MSI2: variants seen among roughly 807,000 people sequenced by gnomAD.
MSI2 encodes the protein RNA-binding protein Musashi homolog 2.
MSI2 carries 17 observed loss-of-function variants against 45.6 expected under a neutral mutation model. That is an observed-to-expected ratio of 0.37 (90% CI 0.26 to 0.56). MSI2 has a LOEUF of 0.56. MSI2 is among the 20% of genes least tolerant of loss of function. The pLI is 0.77. For missense variants in MSI2, 293 were observed against 444.2 expected (o/e 0.66, Z 3.06); for synonymous variants, 156 against 158.2 (o/e 0.99, Z 0.11).
At position 57,257,558 on chromosome 17, in the gene MSI2, C is replaced by T. The variant is rs750325615; in HGVS notation, c.185+11C>T. ...TACGAAACGCTCCAGGTAAACCATT[C>T]CCTTCTGGATTTTGTCTTTATTTTA... On this transcript the variant is annotated intron_variant, in intron 3 of 13. Transcript: ENST00000284073. The T allele has an allele frequency of 5.8e-6, 9 of 1,553,880 alleles. No individual in the cohort carries two copies. Among genetic ancestry groups the T allele is most frequent in the Non-Finnish European group, 8.0e-6 (9 of 1,128,242 alleles).
In MSI2 at chr17:57,474,323, C is replaced by T. The variant is rs192565485; in HGVS notation, c.406-55353C>T. Among the ~76,000 whole-genome samples, 297 of 152,274 alleles carry T rather than the reference C, an allele frequency of 2.0e-3. 1 individual carries two copies. The highest frequency in any genetic ancestry group is 3.3e-3 in the Non-Finnish European group (226 of 68,032). ...TCTGGAAGCTGAGTCCCGGTGAAGTCGAACATCCCCCACAAAATGACAGAG... is the reference window on the plus strand; with the variant it reads ...TCTGGAAGCTGAGTCCCGGTGAAGTTGAACATCCCCCACAAAATGACAGAG... On this transcript the variant is annotated intron_variant, in intron 6 of 13. Coordinates refer to ENST00000284073, the MANE Select transcript of MSI2 (RefSeq NM_138962.4).
intron 6 of MSI2, among the ~76,000 whole-genome samples, chr17:57,481,046 G>A (rs1039969170): frequency 2.0e-4 from 31 of 152,176 alleles, no homozygotes; most frequent in Admixed American, 4.6e-4. Context: ...TATACACAAG[G>A]CACTGGAGAA....
At chr17:57,262,076 A>C in intron 4 of MSI2, 75 bp from the exon 5 acceptor site, 1 of 1,456,580 alleles carries the variant, frequency 6.9e-7, no homozygotes, top group Non-Finnish European at 9.6e-7. Context: ...TGAGTGATTA[A>C]TAATTAGGTG....
chr17:57,670,831 G>T (rs1048562146), intron 11 of MSI2, among the ~76,000 whole-genome samples: 1 of 152,166 alleles, frequency 6.6e-6, no homozygotes, highest in Non-Finnish European at 1.5e-5. Context: ...CAGAAATAGG[G>T]TGTATTTGTT....
At chr17:57,353,755 C>T (rs1916214960) in intron 5 of MSI2, among the ~76,000 whole-genome samples, 1 of 152,128 alleles carries the variant, frequency 6.6e-6, no homozygotes, top group Non-Finnish European at 1.5e-5. Flanking sequence ...AGACCTGGTT[C>T]TCTTGTTTCC....
At chr17:57,599,961 C>T (rs1206287305) in intron 8 of MSI2, among the ~76,000 whole-genome samples, 2 of 152,284 alleles carry the variant, frequency 1.3e-5, no homozygotes, top group Middle Eastern at 3.4e-3. Flanking sequence ...CCATCATCCA[C>T]GAGTTGTCAT....
rs186033528 is a variant in MSI2 at position 57,368,283 on chromosome 17, C to T, written c.313-33096C>T. 3.6e-3 allele frequency among the ~76,000 whole-genome samples: 552 copies of T among 152,234 alleles called. 1 individual carries two copies. The highest frequency in any genetic ancestry group is 0.013 in the African/African-American group (535 of 41,542). On this transcript the variant is annotated intron_variant, in intron 5 of 13. Transcript: ENST00000284073. Reference sequence around the variant, plus strand: ...TCTCAATTTTGGCTGAGCGTGGTGGCTCATGCACTTTGGGAGGCTCCCAGC... The same window carrying T: ...TCTCAATTTTGGCTGAGCGTGGTGGTTCATGCACTTTGGGAGGCTCCCAGC...
intron 5 of MSI2, among the ~76,000 whole-genome samples, chr17:57,369,104 C>G (rs1219669396): frequency 1.3e-5 from 2 of 152,142 alleles, no homozygotes; most frequent in East Asian, 1.9e-4. Context: ...GTGCTTTGCT[C>G]TACTGATGGT....
At chr17:57,460,107 C>T (rs2085195530) in intron 6 of MSI2, among the ~76,000 whole-genome samples, 1 of 150,522 alleles carries the variant, frequency 6.6e-6, no homozygotes, top group Non-Finnish European at 1.5e-5. Context: ...CCAGCCTGGG[C>T]AACAGAACGG....
intron 5 of MSI2, among the ~76,000 whole-genome samples, chr17:57,382,523 G>A (rs956653125): frequency 6.6e-6 from 1 of 152,208 alleles, no homozygotes; most frequent in Non-Finnish European, 1.5e-5. Flanking sequence ...GTGTGGAAAT[G>A]TGAGCAGTGG....
chr17:57,312,444 G>A (rs1299969058), intron 5 of MSI2, among the ~76,000 whole-genome samples: 1 of 152,178 alleles, frequency 6.6e-6, no homozygotes, highest in African/African-American at 2.4e-5. Context: ...GGCTCCCTGG[G>A]GCCCGGGTTG....
intron 10 of MSI2, chr17:57,631,629 C>T (rs994122663): frequency 3.7e-5 from 24 of 642,418 alleles, no homozygotes; most frequent in Non-Finnish European, 8.0e-6. Flanking sequence ...CTCCTTCTTC[C>T]CACATCCAGG....
chr17:57,346,409 A>C (rs1227277238), intron 5 of MSI2, among the ~76,000 whole-genome samples: 1 of 150,062 alleles, frequency 6.7e-6, no homozygotes, highest in Non-Finnish European at 1.5e-5. Flanking sequence ...TCATTGATCT[A>C]CCCCTTTGCT....
intron 6 of MSI2, among the ~76,000 whole-genome samples, chr17:57,503,942 G>C (rs2086171184): frequency 6.6e-6 from 1 of 152,100 alleles, no homozygotes; most frequent in South Asian, 2.1e-4. Flanking sequence ...ATGCATGTTG[G>C]TCACGCTGGT....
intron 6 of MSI2, among the ~76,000 whole-genome samples, chr17:57,502,213 G>A (rs2086122315): frequency 6.6e-6 from 1 of 152,130 alleles, no homozygotes; most frequent in Admixed American, 6.5e-5. Context: ...TAGGCCACGT[G>A]CACCTGGCAT....
In MSI2 at chr17:57,352,339, A is replaced by G. The variant is rs1916090100; in HGVS notation, c.313-49040A>G. On this transcript the variant is annotated intron_variant, in intron 5 of 13. Coordinates refer to ENST00000284073, the MANE Select transcript of MSI2 (RefSeq NM_138962.4). ...AGAGAAATCTGTGGCCGCCCTTCCT[A>G]TTTATTCTTTTGATTTCTGGAACTT... 2.0e-5 allele frequency among the ~76,000 whole-genome samples: 3 copies of G among 152,220 alleles called. No homozygotes were observed. The South Asian group carries it at 6.2e-4, about 32-fold the overall frequency.
intron 6 of MSI2, among the ~76,000 whole-genome samples, chr17:57,426,225 T>A (rs576431735): frequency 8.5e-4 from 129 of 152,384 alleles, no homozygotes; most frequent in Non-Finnish European, 1.7e-3. Context: ...TTTTGATCAT[T>A]GTTCCTAGCT....
At chr17:57,376,823 T>C (rs2083504875) in intron 5 of MSI2, among the ~76,000 whole-genome samples, 1 of 152,152 alleles carries the variant, frequency 6.6e-6, no homozygotes, top group African/African-American at 2.4e-5. Context: ...AAGACCTGCA[T>C]GTCAATAAGA....
At chr17:57,431,725 TG>T (rs2143387147) in intron 6 of MSI2, among the ~76,000 whole-genome samples, 1 of 152,300 alleles carries the variant, frequency 6.6e-6, no homozygotes, top group Non-Finnish European at 1.5e-5. Flanking sequence ...AAGACTTGAT[TG>T]TGGTGGCAAG....
Sources: gnomAD v4.1 joint callset for allele counts (sites outside exome capture counted in the v4.1 genomes callset) on GRCh38, gnomAD v4.1.1 for gene constraint, MANE v1.5 for transcripts, NCBI Gene and HGNC (gene_info 2026-07-23, HGNC 2026-07-21) for gene names.